SPPL2B: variants seen among roughly 807,000 people sequenced by gnomAD.
SPPL2B encodes signal peptide peptidase-like 2B.
In SPPL2B, 39 loss-of-function variants were observed where a neutral mutation model predicts 59.7. The ratio of observed to expected loss-of-function variants is 0.65; its 90% CI spans 0.51 to 0.85. The LOEUF (loss-of-function observed/expected upper bound fraction) is 0.85, where lower values mean the gene tolerates loss of function less well. Among genes scored for constraint, SPPL2B ranks in the 40% least tolerant of loss-of-function variants. The pLI, the probability that SPPL2B is intolerant of heterozygous loss-of-function variation, is 0.00. For missense variants in SPPL2B, 865 were observed against 849.0 expected (o/e 1.02, Z -0.23); for synonymous variants, 419 against 370.8 (o/e 1.13, Z -1.49).
chr19:2,338,587 C>T, intron 3 of SPPL2B, 165 bp from the exon 4 acceptor site: 1 of 577,174 alleles, frequency 1.7e-6, no homozygotes, highest in South Asian at 2.1e-5. Context: ...TTGGGTCCTC[C>T]TGGGGGGCCG....
At position 2,338,589 on chromosome 19, in the gene SPPL2B, G is replaced by T. The variant is rs1371826237; in HGVS notation, c.370-163G>T. 6.8e-5 allele frequency: 39 copies of T among 573,440 alleles called. 2 individuals are homozygous for T. In the South Asian group the frequency reaches 8.4e-4, roughly 12 times the overall value. The allele number at this position is 573,440 out of a possible 1,614,324, so 35.5% of individuals were successfully genotyped here. On this transcript the variant is annotated intron_variant, in intron 3 of 14. Transcript: ENST00000613503. ...GGCCTCCCTGTTCTTGGGTCCTCCT[G>T]GGGGGCCGGAGGCTGTCAGCTGCAG...
chr19:2,344,177 C>T (rs1472765367), intron 10 of SPPL2B, 138 bp downstream of exon 10: 1 of 516,852 alleles, frequency 1.9e-6, no homozygotes. Context: ...CCGTGCTCCC[C>T]TGCCCCCCAC....
intron 13 of SPPL2B, among the ~76,000 whole-genome samples, chr19:2,347,230 C>T (rs558639917): frequency 7.1e-6 from 1 of 140,050 alleles, no homozygotes; most frequent in East Asian, 2.1e-4. Context: ...CACACTCACG[C>T]GCTCTCATTC....
chr19:2,347,179 C>T (rs951373255), intron 13 of SPPL2B, among the ~76,000 whole-genome samples: 5 of 150,874 alleles, frequency 3.3e-5, no homozygotes, highest in Non-Finnish European at 7.4e-5. Flanking sequence ...TCCACACACA[C>T]GCGCTCTCAT....
intron 3 of SPPL2B, 175 bp downstream of exon 3, chr19:2,337,800 C>G (rs920354868): frequency 1.6e-6 from 1 of 641,266 alleles, no homozygotes; most frequent in African/African-American, 1.9e-5. Context: ...CGAGTGTGGC[C>G]GTGGGGAGGG....
intron 2 of SPPL2B, 184 bp from the exon 3 acceptor site, chr19:2,337,252 AGCCCGTC>A: frequency 1.9e-6 from 1 of 520,676 alleles, no homozygotes; most frequent in Non-Finnish European, 3.3e-6. Context: ...GAGGCAGCCC[AGCCCGTC>A]GCCCAGGGTC....
chr19:2,350,574 C>A (rs987479597), intron 13 of SPPL2B, among the ~76,000 whole-genome samples: 1 of 152,258 alleles, frequency 6.6e-6, no homozygotes, highest in African/African-American at 2.4e-5. Context: ...TGGGTTCCTG[C>A]AGCTGTGGAT....
At chr19:2,334,533 G>T (rs1968450818) in intron 1 of SPPL2B, 69 bp from the exon 2 acceptor site, 6 of 1,538,466 alleles carry the variant, frequency 3.9e-6, no homozygotes, top group Non-Finnish European at 4.4e-6. Flanking sequence ...CCTCGGGCCT[G>T]TTTCTCGTGG....
chr19:2,343,111 G>T, intron 8 of SPPL2B, 100 bp from the exon 9 acceptor site: 3 of 919,150 alleles, frequency 3.3e-6, no homozygotes, highest in Non-Finnish European at 5.2e-6. Context: ...GTGGGGCTGC[G>T]TGCTGGCTGA....
At chr19:2,348,620 CCA>C (rs72260701) in intron 13 of SPPL2B, among the ~76,000 whole-genome samples, 4,382 of 145,192 alleles carry the variant, frequency 0.03, 163 homozygotes, top group Non-Finnish European at 0.049. Flanking sequence ...TTCTCTCTCT[CCA>C]CACACACTCA....
chr19:2,351,501 C>T lies in SPPL2B; in HGVS notation c.1422C>T (p.Leu474=), dbSNP rs759662926. The T allele has an allele frequency of 6.2e-7, 1 of 1,610,880 alleles. No homozygotes were observed. The highest frequency in any genetic ancestry group is 1.3e-5 in the African/African-American group (1 of 75,070). ...TGATGCAGCGTGGCCAGCCCGCTCTCCTCTACCTGGTGCCCTGCACGCTGG... is the reference window on the plus strand; with the variant it reads ...TGATGCAGCGTGGCCAGCCCGCTCTTCTCTACCTGGTGCCCTGCACGCTGG... The part of the protein sequence containing the change: ...LALMQRGQPA[L]LYLVPCTLVT... The change falls in exon 14 of 15, where the codon CTC becomes CTT. Residue 474 remains leucine, a synonymous_variant. Transcript: ENST00000613503.
At chr19:2,347,122 CCT>C (rs1568447658) in intron 13 of SPPL2B, among the ~76,000 whole-genome samples, 1 of 149,944 alleles carries the variant, frequency 6.7e-6, no homozygotes, top group Non-Finnish European at 1.5e-5. Context: ...GTTCTCTCTC[CCT>C]CCACACACAC....
At chr19:2,352,412 G>GGAAGAGCA (rs1400676074) in intron 14 of SPPL2B, among the ~76,000 whole-genome samples, 1 of 152,194 alleles carries the variant, frequency 6.6e-6, no homozygotes, top group East Asian at 1.9e-4. Flanking sequence ...AGCGGTGCTG[G>GGAAGAGCA]CCGCGCATGG....
chr19:2,337,820 G>A (rs1008466350), intron 3 of SPPL2B, 195 bp downstream of exon 3: 3 of 583,022 alleles, frequency 5.1e-6, no homozygotes, highest in African/African-American at 3.8e-5. Context: ...GCGGAGATGA[G>A]TCTGTTCTTC....
chr19:2,345,408 C>T, intron 13 of SPPL2B, 78 bp downstream of exon 13: 1 of 1,228,640 alleles, frequency 8.1e-7, no homozygotes, highest in Non-Finnish European at 1.2e-6. Flanking sequence ...CTGACCCTGA[C>T]CCCTAACCCC....
At chr19:2,333,452 C>T (rs1282411469) in intron 1 of SPPL2B, among the ~76,000 whole-genome samples, 7 of 152,180 alleles carry the variant, frequency 4.6e-5, no homozygotes, top group African/African-American at 7.2e-5. Flanking sequence ...GCGTGGTGAG[C>T]AGTGCCAGCT....
rs760793428 is a variant in SPPL2B, at chr19:2,344,336, C to T, written c.1114-26C>T. On this transcript the variant is annotated intron_variant, in intron 10 of 14. Coordinates refer to ENST00000613503, the MANE Select transcript of SPPL2B (RefSeq NM_152988.3). ...TGCCCCCCCACCCCATCACCACGCT[C>T]CCTCACTCAACCCCATTCTGTGCAG... 3.0e-5 allele frequency: 44 copies of T among 1,465,548 alleles called. No homozygotes were observed. In the Middle Eastern group the frequency reaches 5.2e-4, roughly 17 times the overall value. 90.8% of individuals were successfully genotyped at this position (1,465,548 alleles called of 1,614,324 possible).
chr19:2,348,750 T>C (rs4807235), intron 13 of SPPL2B, among the ~76,000 whole-genome samples: 279 of 132,870 alleles, frequency 2.1e-3, no homozygotes, highest in Non-Finnish European at 2.7e-3. Flanking sequence ...CCGTTCTCTC[T>C]CTCCACACAC....
At chr19:2,343,002 G>A (rs1969146569) in intron 8 of SPPL2B, 2 of 583,312 alleles carry the variant, frequency 3.4e-6, no homozygotes, top group East Asian at 5.7e-5. Context: ...GGGCCCTGGG[G>A]TGGGGCCTGT....
Sources: gnomAD v4.1 joint callset for allele counts (sites outside exome capture counted in the v4.1 genomes callset) on GRCh38, gnomAD v4.1.1 for gene constraint, MANE v1.5 for transcripts, NCBI Gene and HGNC (gene_info 2026-07-23, HGNC 2026-07-21) for gene names.